Variants in AADAT observed in about 807,000 individuals in gnomAD.
The protein encoded by AADAT is kynurenine/alpha-aminoadipate aminotransferase, mitochondrial.
In AADAT, 25 loss-of-function variants were observed where a neutral mutation model predicts 56.2. The ratio of observed to expected loss-of-function variants is 0.44; its 90% confidence interval spans 0.32 to 0.62. AADAT has a LOEUF of 0.62. AADAT is among the 20% of genes least tolerant of loss of function. The pLI is 0.04. For synonymous variants in AADAT, 173 were observed against 164.7 expected (o/e 1.05, Z -0.39); for missense variants, 387 against 510.5 (o/e 0.76, Z 2.33).
intron 3 of AADAT, among the ~76,000 whole-genome samples, chr4:170,084,534 T>C (rs956910306): frequency 3.3e-5 from 5 of 152,204 alleles, no homozygotes; most frequent in African/African-American, 1.2e-4. Context: ...CAAAGGGGTC[T>C]ATTATGACTA....
rs565587587 is a variant in AADAT at position 170,073,593 on chromosome 4, G to A, written c.445-248C>T. Among the ~76,000 whole-genome samples, 10 of 151,532 alleles carry A rather than the reference G, an allele frequency of 6.6e-5. No individual in the cohort carries two copies. In the East Asian group the frequency reaches 2.0e-3, roughly 30 times the overall value. ...GATCTTGGCTCACTGCAACCTCCCT[G>A]GTTCAAGTGATTCTCCTGCTTTAGC... is the stretch of plus-strand genomic sequence containing the variant. On this transcript the variant is annotated intron_variant, in intron 4 of 12. Transcript: ENST00000337664.
rs1438652901 is a variant in AADAT, at chr4:170,068,583, G to A, written c.900+8C>T. The A allele has an allele frequency of 3.2e-6, 5 of 1,564,852 alleles. No homozygotes were observed. In the South Asian group the frequency reaches 5.9e-5, roughly 19 times the overall value. ...AAAAAAAAAATCGATTTCCTAAATT[G>A]TCCTTACCTGGTTAAAAGTGCTGGG... On this transcript the variant is annotated splice_region_variant and intron_variant, in intron 8 of 12. Transcript: ENST00000337664.
chr4:170,093,670 A>G (rs909504762), upstream of AADAT, among the ~76,000 whole-genome samples: 8 of 152,082 alleles, frequency 5.3e-5, no homozygotes, highest in Admixed American at 2.0e-4. Flanking sequence ...ACCATAGCTC[A>G]CTGCAGCCTC....
intron 6 of AADAT, among the ~76,000 whole-genome samples, 161 bp from the exon 7 acceptor site, chr4:170,069,391 G>C (rs1731651163): frequency 6.6e-6 from 1 of 152,138 alleles, no homozygotes; most frequent in Non-Finnish European, 1.5e-5. Flanking sequence ...AACAAACAAA[G>C]ATGCAGATTC....
intron 3 of AADAT, 43 bp downstream of exon 3, chr4:170,087,073 C>CT: frequency 1.9e-6 from 3 of 1,610,858 alleles, no homozygotes; most frequent in Non-Finnish European, 2.5e-6. Context: ...GAAATGAATG[C>CT]TTCCAATTCT....
At position 170,073,329 on chromosome 4, in the gene AADAT, C is replaced by T; in HGVS notation, c.461G>A (p.Cys154Tyr). 6.2e-7 allele frequency: 1 copy of T among 1,613,868 alleles called. No homozygotes were observed. The highest frequency in any genetic ancestry group is 1.3e-5 in the African/African-American group (1 of 74,970). ...ATCACTGGCAACATTAATAATGTTG[C>T]AGCCCAGTGGGTGCAGCTGTTGAGC... ...GTLQSLHPLG[C>Y]NIINVASDES... The change falls in exon 5 of 13, where the codon TGC (cysteine) becomes TAC (tyrosine). Residue 154 changes from cysteine to tyrosine, a missense_variant. Physicochemically the swap from Cys to Tyr is radical, Grantham distance 194. Transcript: ENST00000337664.
intron 3 of AADAT, among the ~76,000 whole-genome samples, chr4:170,079,284 T>G (rs1732181611): frequency 6.6e-6 from 1 of 152,156 alleles, no homozygotes; most frequent in East Asian, 1.9e-4. Flanking sequence ...AATAATTATG[T>G]GTCTTGAGGC....
chr4:170,064,611 G>T, intron 11 of AADAT, 108 bp downstream of exon 11: 1 of 806,738 alleles, frequency 1.2e-6, no homozygotes, highest in Non-Finnish European at 2.0e-6. Context: ...ATTATGAGTT[G>T]GCTGGTGGGC....
chr4:170,068,398 CTTAAA>C (rs1731587090), intron 8 of AADAT, among the ~76,000 whole-genome samples, 188 bp downstream of exon 8: 1 of 152,118 alleles, frequency 6.6e-6, no homozygotes, highest in Non-Finnish European at 1.5e-5. Flanking sequence ...TACACATTCT[CTTAAA>C]TTAAGTTTAC....
chr4:170,091,129 C>T (rs941192519), upstream of AADAT, among the ~76,000 whole-genome samples: 44 of 152,364 alleles, frequency 2.9e-4, no homozygotes, highest in African/African-American at 1.0e-3. Context: ...TCACTCTGAC[C>T]GCGCTTGAGG....
chr4:170,081,431 T>G (rs1221850179), intron 3 of AADAT, among the ~76,000 whole-genome samples: 3 of 151,996 alleles, frequency 2.0e-5, no homozygotes, highest in African/African-American at 4.8e-5. Context: ...GTGAGAGAGA[T>G]AAATATCCAG....
chr4:170,066,383 TATC>T, intron 10 of AADAT, 28 bp downstream of exon 10: 1 of 1,592,084 alleles, frequency 6.3e-7, no homozygotes, highest in East Asian at 2.2e-5. Context: ...TGCTACTGTT[TATC>T]ATGAGGACGA....
At chr4:170,090,765 G>GT (rs1421386006), upstream of AADAT, among the ~76,000 whole-genome samples, 1 of 152,002 alleles carries the variant, frequency 6.6e-6, no homozygotes, top group African/African-American at 2.4e-5. Context: ...AATGTACAAG[G>GT]TTTAATGTGA....
chr4:170,083,315 A>C (rs564180202), intron 3 of AADAT, among the ~76,000 whole-genome samples: 2 of 152,250 alleles, frequency 1.3e-5, no homozygotes, highest in Admixed American at 1.3e-4. Flanking sequence ...AAGGAAATTA[A>C]AAGTTTTACT....
intron 8 of AADAT, among the ~76,000 whole-genome samples, chr4:170,067,670 T>TA (rs1731536979): frequency 6.6e-6 from 1 of 152,322 alleles, no homozygotes; most frequent in South Asian, 2.1e-4. Context: ...TCTATTTTAC[T>TA]AATGAGGCAC....
chr4:170,077,132 G>T (rs1732079543), intron 4 of AADAT, among the ~76,000 whole-genome samples: 1 of 152,058 alleles, frequency 6.6e-6, no homozygotes, highest in Non-Finnish European at 1.5e-5. Context: ...GGGAAGTGGG[G>T]GTCTTCCAAA....
In AADAT at chr4:170,087,202, G is replaced by A; in HGVS notation, c.283C>T (p.His95Tyr). The change falls in exon 3 of 13, where the codon CAT (histidine) becomes TAT (tyrosine). Residue 95 changes from histidine to tyrosine, a missense_variant. Coordinates refer to ENST00000337664, the MANE Select transcript of AADAT (RefSeq NM_016228.4). ...GGGTAATGGATGGTAGGAGGATTAT[G>A]CAATTTTATTTGTAACTGTTTTAGC... ...SWLKQLQIKL[H>Y]NPPTIHYPPS... The A allele has an allele frequency of 1.2e-6, 2 of 1,614,058 alleles. No homozygotes were observed. The highest frequency in any genetic ancestry group is 1.7e-6 in the Non-Finnish European group (2 of 1,179,992).
upstream of AADAT, among the ~76,000 whole-genome samples, chr4:170,093,045 T>C (rs534618210): frequency 1.4e-5 from 1 of 73,658 alleles, no homozygotes; most frequent in Non-Finnish European, 3.1e-5. Context: ...AACTTGTAAC[T>C]AGATATGTTG....
intron 10 of AADAT, among the ~76,000 whole-genome samples, chr4:170,065,053 T>C (rs1471446644): frequency 6.7e-6 from 1 of 149,578 alleles, no homozygotes; most frequent in Non-Finnish European, 1.5e-5. Context: ...AGGGGTAGGG[T>C]GGGCAAGTGA....
Sources: allele counts gnomAD v4.1 joint callset (sites outside exome capture counted in the v4.1 genomes callset), GRCh38; gene constraint gnomAD v4.1.1; transcripts MANE v1.5; gene names NCBI Gene and HGNC (gene_info 2026-07-23, HGNC 2026-07-21).